SPG7: variants seen among roughly 807,000 people sequenced by gnomAD.
SPG7 encodes the protein mitochondrial inner membrane m-AAA protease component paraplegin.
Under a neutral mutation model 81.9 loss-of-function variants are expected in SPG7, and 103 were observed. That is an observed-to-expected ratio of 1.26 (90% CI 1.07 to 1.48). The LOEUF (loss-of-function observed/expected upper bound fraction) is 1.48, where lower values mean the gene tolerates loss of function less well. Ranked by LOEUF, SPG7 falls within the 40% of genes most tolerant of loss-of-function variation. The probability of loss-of-function intolerance (pLI) is 0.00; values close to 1 mark genes in which losing one functional copy is unlikely to be tolerated. For synonymous variants in SPG7, 534 were observed against 444.2 expected (o/e 1.20, Z -2.54); for missense variants, 1,241 against 1,087.3 (o/e 1.14, Z -1.99).
rs1280517363 is a variant in SPG7, at chr16:89,553,121, A to G, written c.1922A>G (p.Asn641Ser). ...GGRASEALSF[N>S]EVTSGAQDDL... ...CGGGCCTCGGAAGCACTGTCCTTCA[A>G]CGAGGTCACTTCTGGTGAGGAGCAG... Residue 641 changes from asparagine to serine, a missense_variant, in exon 14 of 17, where the codon AAC becomes AGC. By Grantham distance (46) the Asn-to-Ser change is conservative. Coordinates refer to ENST00000645818, the MANE Select transcript of SPG7 (RefSeq NM_003119.4). 5 of 1,609,468 alleles carry G rather than the reference A, an allele frequency of 3.1e-6. No homozygotes were observed. Among genetic ancestry groups the G allele is most frequent in the Admixed American group, 1.7e-5 (1 of 59,402 alleles).
At chr16:89,514,512 T>G (rs982105511) in intron 3 of SPG7, 2 of 152,042 alleles carry the variant, frequency 1.3e-5, no homozygotes, top group African/African-American at 4.8e-5. Context: ...TTCGTTTGTT[T>G]GTTTTTGAGA....
chr16:89,533,783 T>G (rs1379508001), intron 9 of SPG7: 1 of 152,204 alleles, frequency 6.6e-6, no homozygotes, highest in Non-Finnish European at 1.5e-5. Context: ...GGAATTATTT[T>G]TCTTCTGAGC....
chr16:89,536,731 G>C, intron 9 of SPG7: 1 of 1,612,600 alleles, frequency 6.2e-7, no homozygotes. Context: ...CAAGGTCTTC[G>C]TCCTGTGAGT....
chr16:89,516,339 C>G (rs979207442), intron 3 of SPG7, among the ~76,000 whole-genome samples: 1 of 151,126 alleles, frequency 6.6e-6, no homozygotes, highest in African/African-American at 2.4e-5. Flanking sequence ...GCCAGGAGTT[C>G]GAGACCAGCC....
chr16:89,510,440 A>G (rs776058276), intron 1 of SPG7, 50 bp from the exon 2 acceptor site: 4 of 1,143,410 alleles, frequency 3.5e-6, no homozygotes, highest in Admixed American at 1.7e-5. Context: ...TTGCTTTGGT[A>G]CTCTCTAATG....
chr16:89,520,672 C>G (rs116918202), intron 3 of SPG7: 1 of 152,102 alleles, frequency 6.6e-6, no homozygotes, highest in Non-Finnish European at 1.5e-5. Flanking sequence ...GCCTGGATGA[C>G]AGTCGTAAGC....
intron 11 of SPG7, chr16:89,547,054 G>A (rs533275926): frequency 5.0e-5 from 20 of 399,368 alleles, no homozygotes; most frequent in East Asian, 1.7e-4. Flanking sequence ...CAGTCATGCC[G>A]GCGTTTCCCG....
At chr16:89,519,064 A>G (rs1049032536) in intron 3 of SPG7, 5 of 151,204 alleles carry the variant, frequency 3.3e-5, no homozygotes, top group African/African-American at 1.2e-4. Flanking sequence ...GCTCACTGCA[A>G]CCTCCACCTC....
intron 9 of SPG7, chr16:89,541,449 A>G: frequency 1.8e-6 from 1 of 553,318 alleles, no homozygotes; most frequent in Non-Finnish European, 2.3e-6. Context: ...GTCAGCAGTT[A>G]GGGGAGGTCT....
chr16:89,543,649 C>CT (rs749210071), intron 9 of SPG7: 5,139 of 65,206 alleles, frequency 0.079, 152 homozygotes, highest in Middle Eastern at 0.097. Context: ...CCAGTGGATT[C>CT]TTTTTTTTTT....
chr16:89,508,700 G>T, intron 1 of SPG7, 100 bp downstream of exon 1: 1 of 1,236,890 alleles, frequency 8.1e-7, no homozygotes, highest in Non-Finnish European at 1.1e-6. Flanking sequence ...CCCTGCGGCG[G>T]GGGAGCCTGC....
At chr16:89,529,946 TCTC>T (rs2058318002) in intron 6 of SPG7, 1 of 330,350 alleles carries the variant, frequency 3.0e-6, no homozygotes, top group Non-Finnish European at 5.9e-6. Context: ...TTCAAGCAAT[TCTC>T]CTGCCTCAGC....
At chr16:89,516,858 C>CT (rs986558316) in intron 3 of SPG7, 63 of 150,036 alleles carry the variant, frequency 4.2e-4, no homozygotes, top group African/African-American at 1.5e-3. Context: ...CAGCAAGACT[C>CT]TGTCTCAAAA....
rs916360242 is a variant in SPG7, at chr16:89,530,698, G to T, written c.877G>T (p.Ala293Ser). Residue 293 changes from alanine (A) to serine (S), a missense_variant, in exon 7 of 17, where the codon GCT (alanine) becomes TCT (serine). Transcript: ENST00000645818. The part of the protein sequence containing the change: ...GFSAFNQLKM[A>S]RFTIVDGKMG... ...TTCTGCACAGAATCAGCTTAAAATG[G>T]CTCGTTTCACCATTGTGGATGGGAA... is the stretch of plus-strand genomic sequence containing the variant. 6.2e-7 allele frequency: 1 copy of T among 1,614,130 alleles called. No homozygotes were observed. Among genetic ancestry groups the T allele is most frequent in the Admixed American group, 1.7e-5 (1 of 60,008 alleles).
In SPG7 at chr16:89,531,960, C is replaced by T. The variant is rs201486165; in HGVS notation, c.1044C>T (p.Leu348=). 1.5e-5 allele frequency: 25 copies of T among 1,614,064 alleles called. No individual in the cohort carries two copies. The East Asian group carries it at 2.0e-4, about 13-fold the overall frequency. The change falls in exon 8 of 17, where the codon CTC becomes CTT. Residue 348 remains leucine (L), a synonymous_variant. Transcript: ENST00000645818. ...AGGTCCCAAAGGGCGCACTGCTGCT[C>T]GGCCCCCCCGGCTGTGGGAAGACGC... The part of the protein sequence containing the change: ...GAKVPKGALL[L]GPPGCGKTLL...
In SPG7 at chr16:89,557,639, T is replaced by C; in HGVS notation, c.*546T>C. On this transcript the variant is annotated 3_prime_UTR_variant, in exon 17 of 17. Coordinates refer to ENST00000645818, the MANE Select transcript of SPG7 (RefSeq NM_003119.4). ...CTCACCACTGCCCCCTGCTGCCATG[T>C]GGACTGGTGCAAGTTGAGGACTTCT... 1 of 169,644 alleles carries C rather than the reference T, an allele frequency of 5.9e-6. No homozygotes were observed. The highest frequency in any genetic ancestry group is 1.3e-5 in the Non-Finnish European group (1 of 77,080). 10.5% of individuals were successfully genotyped at this position (169,644 alleles called of 1,614,324 possible). A position where few individuals can be genotyped will look rare whatever the true frequency, so the allele number is the denominator to read the frequency against.
chr16:89,520,694 G>C (rs2058176307), intron 3 of SPG7: 1 of 148,078 alleles, frequency 6.8e-6, no homozygotes, highest in African/African-American at 2.5e-5. Context: ...ACTGCGCCCA[G>C]CCCCAGCTAC....
chr16:89,544,562 C>T, intron 9 of SPG7, 86 bp from the exon 10 acceptor site: 1 of 1,520,304 alleles, frequency 6.6e-7, no homozygotes, highest in African/African-American at 1.4e-5. Flanking sequence ...CTCTCTCCCT[C>T]CTGTGTCCTG....
rs759622341 is a variant in SPG7 at position 89,548,164 on chromosome 16, C to T, written c.1663+51C>T. On this transcript the variant is annotated intron_variant, in intron 12 of 16. Coordinates refer to ENST00000645818, the MANE Select transcript of SPG7 (RefSeq NM_003119.4). ...GGCCCTCCTTAGCAGGGCTTGAACC[C>T]CAGAAATACCCAGGCAGGTATTGAG... The T allele has an allele frequency of 9.7e-6, 12 of 1,235,214 alleles. No homozygotes were observed. The African/African-American group carries it at 1.8e-4, about 18-fold the overall frequency. The allele number at this position is 1,235,214 out of a possible 1,614,324, so 76.5% of individuals were successfully genotyped here. A position where few individuals can be genotyped will look rare whatever the true frequency, so the allele number is the denominator to read the frequency against.
Sources: gnomAD v4.1 joint callset for allele counts (sites outside exome capture counted in the v4.1 genomes callset) on GRCh38, gnomAD v4.1.1 for gene constraint, MANE v1.5 for transcripts, NCBI Gene and HGNC (gene_info 2026-07-23, HGNC 2026-07-21) for gene names.